The following SCD5 variants were observed in gnomAD, a reference collection of about 807,000 sequenced individuals.
SCD5 encodes the protein stearoyl-CoA desaturase 5.
A neutral mutation model predicts 30.4 loss-of-function variants in SCD5; 20 were observed. The ratio of observed to expected loss-of-function variants is 0.66; its 90% CI spans 0.46 to 0.96. The LOEUF (loss-of-function observed/expected upper bound fraction) is 0.96. SCD5 is among the 40% of genes least tolerant of loss of function. The probability of loss-of-function intolerance (pLI) is 0.00; values close to 1 mark genes in which losing one functional copy is unlikely to be tolerated. For synonymous variants in SCD5, 173 were observed against 176.4 expected (o/e 0.98, Z 0.16); for missense variants, 381 against 443.3 (o/e 0.86, Z 1.26).
intron 3 of SCD5, among the ~76,000 whole-genome samples, chr4:82,666,524 AG>A (rs201795556): frequency 2.0e-4 from 30 of 150,958 alleles, no homozygotes; most frequent in East Asian, 3.9e-4. Flanking sequence ...CAAAAAAAAA[AG>A]AAAGAAAGAA....
At chr4:82,759,523 T>C (rs1033101257) in intron 1 of SCD5, among the ~76,000 whole-genome samples, 1 of 152,044 alleles carries the variant, frequency 6.6e-6, no homozygotes, top group African/African-American at 2.4e-5. Flanking sequence ...CTCAACACTC[T>C]GCTCAGGATC....
chr4:82,664,995 C>CTATATATATATATA (rs779503303), intron 3 of SCD5, among the ~76,000 whole-genome samples: 1 of 83,274 alleles, frequency 1.2e-5, no homozygotes, highest in Non-Finnish European at 2.1e-5. Flanking sequence ...CTCTCTCTCT[C>CTATATATATATATA]TCTCTATATA....
intron 1 of SCD5, among the ~76,000 whole-genome samples, chr4:82,774,864 A>C (rs1011344843): frequency 6.6e-6 from 1 of 152,200 alleles, no homozygotes; most frequent in Non-Finnish European, 1.5e-5. Flanking sequence ...GAATTTGACC[A>C]TCAGCAAAGC....
chr4:82,712,276 A>ATATATACG (rs1720117742), intron 1 of SCD5, among the ~76,000 whole-genome samples: 1 of 45,660 alleles, frequency 2.2e-5, no homozygotes, highest in Non-Finnish European at 3.6e-5. Context: ...ATATATATAT[A>ATATATACG]TATATATATA....
At position 82,776,055 on chromosome 4, in the gene SCD5, T is replaced by C. The variant is rs183988968; in HGVS notation, c.232+22251A>G. 1.0e-3 allele frequency: 164 copies of C among 159,634 alleles called. 3 individuals carry two copies. Among genetic ancestry groups the C allele is most frequent in the East Asian group, 3.5e-4 (2 of 5,774 alleles). The allele number at this position is 159,634 out of a possible 1,614,324, so 9.9% of individuals were successfully genotyped here. A position where few individuals can be genotyped will look rare whatever the true frequency, so the allele number is the denominator to read the frequency against. ...AAAGAATCAAATACCTTCATCCCGA[T>C]TTACATCTGCACGTGCTGCCCCACA... is the stretch of plus-strand genomic sequence containing the variant. On this transcript the variant is annotated intron_variant, in intron 1 of 4. Coordinates refer to ENST00000319540, the MANE Select transcript of SCD5 (RefSeq NM_001037582.3).
intron 1 of SCD5, among the ~76,000 whole-genome samples, chr4:82,790,529 G>T (rs1427473180): frequency 6.6e-6 from 1 of 152,112 alleles, no homozygotes; most frequent in African/African-American, 2.4e-5. Flanking sequence ...TGCACCTCCT[G>T]CCATGCTCCA....
intron 1 of SCD5, among the ~76,000 whole-genome samples, chr4:82,746,669 A>T (rs1720988165): frequency 1.3e-5 from 2 of 152,102 alleles, no homozygotes; most frequent in Non-Finnish European, 2.9e-5. Flanking sequence ...AGAGACCAAA[A>T]GTTTTGAAGA....
chr4:82,692,805 G>T (rs1719587725), intron 2 of SCD5, among the ~76,000 whole-genome samples: 1 of 152,206 alleles, frequency 6.6e-6, no homozygotes, highest in Admixed American at 6.5e-5. Flanking sequence ...GTCCGCTGAG[G>T]AACAGCAGCC....
intron 2 of SCD5, among the ~76,000 whole-genome samples, chr4:82,681,125 T>A (rs771345865): frequency 1.3e-5 from 2 of 152,008 alleles, no homozygotes; most frequent in Non-Finnish European, 2.9e-5. Flanking sequence ...TTAGCAGGGA[T>A]CTCAGCTTAC....
At chr4:82,729,339 G>A (rs891047835) in intron 1 of SCD5, among the ~76,000 whole-genome samples, 10 of 152,308 alleles carry the variant, frequency 6.6e-5, no homozygotes, top group Non-Finnish European at 7.3e-5. Context: ...ACTTCTGGAG[G>A]AGGAGGGAGG....
intron 2 of SCD5, among the ~76,000 whole-genome samples, chr4:82,686,071 T>C (rs1342951420): frequency 6.6e-6 from 1 of 151,974 alleles, no homozygotes; most frequent in Non-Finnish European, 1.5e-5. Flanking sequence ...AGTGGTGTGA[T>C]TATGGCTCAC....
chr4:82,729,673 A>G (rs985169464), intron 1 of SCD5, among the ~76,000 whole-genome samples: 1 of 152,180 alleles, frequency 6.6e-6, no homozygotes, highest in African/African-American at 2.4e-5. Flanking sequence ...TTTTTAGGAT[A>G]AAGATTATTT....
At chr4:82,657,892 T>C (rs1195346484) in intron 3 of SCD5, among the ~76,000 whole-genome samples, 1 of 152,224 alleles carries the variant, frequency 6.6e-6, no homozygotes, top group Non-Finnish European at 1.5e-5. Context: ...ATGATTTGGC[T>C]GTTTGTCTAC....
At position 82,635,763 on chromosome 4, in the gene SCD5, C is replaced by T. The variant is rs574314773; in HGVS notation, c.802+828G>A. 2.3e-4 allele frequency among the ~76,000 whole-genome samples: 35 copies of T among 152,126 alleles called. No homozygotes were observed. In the South Asian group the frequency reaches 6.2e-3, roughly 27 times the overall value. ...TACCCCCACTTTACAGATAGGGACA[C>T]GAAAGGCAGAAGAACGAGTGACTTG... On this transcript the variant is annotated intron_variant, in intron 4 of 4. Coordinates refer to ENST00000319540, the MANE Select transcript of SCD5 (RefSeq NM_001037582.3).
chr4:82,638,077 T>A (rs938844591), intron 3 of SCD5, among the ~76,000 whole-genome samples: 2 of 152,152 alleles, frequency 1.3e-5, no homozygotes, highest in African/African-American at 4.8e-5. Flanking sequence ...CTCCCACTTA[T>A]AAGTGAGAAC....
At chr4:82,745,497 A>G (rs1720962764) in intron 1 of SCD5, among the ~76,000 whole-genome samples, 1 of 152,142 alleles carries the variant, frequency 6.6e-6, no homozygotes, top group Non-Finnish European at 1.5e-5. Context: ...GTCTAACCCA[A>G]TGTTTGTTTG....
At chr4:82,734,249 C>G (rs1477017246) in intron 1 of SCD5, among the ~76,000 whole-genome samples, 1 of 152,184 alleles carries the variant, frequency 6.6e-6, no homozygotes, top group Non-Finnish European at 1.5e-5. Flanking sequence ...TGCTTTCCCT[C>G]TTTCCTGTAT....
intron 3 of SCD5, among the ~76,000 whole-genome samples, chr4:82,645,674 C>A (rs1727622204): frequency 6.6e-6 from 1 of 152,200 alleles, no homozygotes; most frequent in African/African-American, 2.4e-5. Context: ...CCATTGCACA[C>A]AACAGCGCCC....
chr4:82,738,706 G>C (rs1720805907), intron 1 of SCD5, among the ~76,000 whole-genome samples: 1 of 152,194 alleles, frequency 6.6e-6, no homozygotes, highest in African/African-American at 2.4e-5. Flanking sequence ...TATCCAACTG[G>C]TGAGAGGGAA....
Sources: gnomAD v4.1 joint callset for allele counts (sites outside exome capture counted in the v4.1 genomes callset) on GRCh38, gnomAD v4.1.1 for gene constraint, MANE v1.5 for transcripts, NCBI Gene and HGNC (gene_info 2026-07-23, HGNC 2026-07-21) for gene names.